ZBTB46: variants seen among roughly 807,000 people sequenced by gnomAD.
The protein encoded by ZBTB46 is zinc finger and BTB domain containing 46.
In ZBTB46, 8 loss-of-function variants were observed where a neutral mutation model predicts 44.1. That is an observed-to-expected ratio of 0.18 (90% CI 0.11 to 0.33). ZBTB46 has a LOEUF of 0.33. Ranked by LOEUF, ZBTB46 falls within the 10% of genes least tolerant of loss-of-function variation. The pLI is 1.00. For synonymous variants in ZBTB46, 409 were observed against 382.3 expected, an observed-to-expected ratio of 1.07 and a Z score of -0.81; for missense variants, 651 against 847.7, an observed-to-expected ratio of 0.77 and a Z score of 2.88.
chr20:63,749,310 T>G (rs1220329697), intron 4 of ZBTB46, among the ~76,000 whole-genome samples: 1 of 151,042 alleles, frequency 6.6e-6, no homozygotes, highest in Non-Finnish European at 1.5e-5. Context: ...CCAGAACTGC[T>G]CCTTTGGGCT....
rs2092184241 is a variant in ZBTB46, at chr20:63,752,946, C to T, written c.1223-85G>A. On this transcript the variant is annotated intron_variant, in intron 3 of 4. Coordinates refer to ENST00000245663, the MANE Select transcript of ZBTB46 (RefSeq NM_001369741.1). The surrounding 1 kb of genome is among the most constrained non-coding windows in gnomAD (Gnocchi z 5.6). ...ACAGACCACGGCTGCACGCCGCAGC[C>T]CAGCAGCCAGGACGGGCTGTCTCCC... 2 of 1,453,512 alleles carry T rather than the reference C, an allele frequency of 1.4e-6. No homozygotes were observed. The highest frequency in any genetic ancestry group is 1.8e-6 in the Non-Finnish European group (2 of 1,088,848). 90.0% of individuals were successfully genotyped at this position (1,453,512 alleles called of 1,614,324 possible).
At chr20:63,806,332 G>T (rs1286987988) in intron 1 of ZBTB46, among the ~76,000 whole-genome samples, 1 of 149,156 alleles carries the variant, frequency 6.7e-6, no homozygotes, top group Non-Finnish European at 1.5e-5. Flanking sequence ...GCTTGAACCC[G>T]AGAGGCAGAG....
intron 1 of ZBTB46, among the ~76,000 whole-genome samples, chr20:63,805,077 T>A (rs534289622): frequency 1.6e-3 from 236 of 151,656 alleles, no homozygotes; most frequent in African/African-American, 5.5e-3. Context: ...CACACCACCA[T>A]GCCTGGCTAA....
At chr20:63,826,199 A>C (rs1600732970) in intron 1 of ZBTB46, among the ~76,000 whole-genome samples, 1 of 152,284 alleles carries the variant, frequency 6.6e-6, no homozygotes, top group East Asian at 1.9e-4. Flanking sequence ...TTTGTAAACG[A>C]AAATGTCTTA....
At chr20:63,780,814 T>A (rs2092463634) in intron 2 of ZBTB46, among the ~76,000 whole-genome samples, 1 of 140,202 alleles carries the variant, frequency 7.1e-6, no homozygotes, top group Admixed American at 7.4e-5. Context: ...AAAAAAAGGA[T>A]CCTCCTGAAG....
At chr20:63,782,353 C>T (rs2092478162) in intron 2 of ZBTB46, among the ~76,000 whole-genome samples, 1 of 151,928 alleles carries the variant, frequency 6.6e-6, no homozygotes, top group African/African-American at 2.4e-5. Context: ...GTGACAGAAG[C>T]GAGGATGGGA....
At chr20:63,755,595 C>T (rs2092213522) in intron 3 of ZBTB46, among the ~76,000 whole-genome samples, 1 of 152,208 alleles carries the variant, frequency 6.6e-6, no homozygotes. Flanking sequence ...CATCCACAAG[C>T]TCTGAGGATC....
upstream of ZBTB46, among the ~76,000 whole-genome samples, chr20:63,832,690 G>A (rs2092858281): frequency 3.3e-5 from 5 of 152,030 alleles, no homozygotes; most frequent in Admixed American, 3.3e-4. The surrounding 1 kb of genome is among the most constrained non-coding windows in gnomAD (Gnocchi z 5.0). Context: ...GGATGGCACT[G>A]CGGCCCAGGA....
At chr20:63,825,718 A>G (rs1045200173) in intron 1 of ZBTB46, among the ~76,000 whole-genome samples, 3 of 152,164 alleles carry the variant, frequency 2.0e-5, no homozygotes, top group African/African-American at 7.2e-5. Context: ...GAGTTTCTTC[A>G]TAACTCAGAA....
intron 3 of ZBTB46, among the ~76,000 whole-genome samples, chr20:63,765,763 G>A (rs1227388439): frequency 1.3e-5 from 2 of 152,078 alleles, no homozygotes; most frequent in Non-Finnish European, 2.9e-5. Context: ...TAGTTTCAGG[G>A]GAAAGAATGT....
chr20:63,786,605 T>G (rs566095307), intron 2 of ZBTB46, among the ~76,000 whole-genome samples: 1 of 152,196 alleles, frequency 6.6e-6, no homozygotes, highest in African/African-American at 2.4e-5. Context: ...TCCGCCTCCC[T>G]GGTTCAAGAG....
At chr20:63,824,050 G>A (rs1452357268) in intron 1 of ZBTB46, among the ~76,000 whole-genome samples, 1 of 152,114 alleles carries the variant, frequency 6.6e-6, no homozygotes, top group Non-Finnish European at 1.5e-5. Flanking sequence ...AGAGACCAGA[G>A]GCTCAGGGCA....
intron 1 of ZBTB46, among the ~76,000 whole-genome samples, chr20:63,819,601 C>A (rs1235898995): frequency 6.6e-6 from 1 of 152,288 alleles, no homozygotes; most frequent in East Asian, 1.9e-4. Context: ...GCAAAAACAG[C>A]AACAGTGTCC....
intron 1 of ZBTB46, among the ~76,000 whole-genome samples, chr20:63,796,518 A>C (rs1034036179): frequency 2.6e-5 from 4 of 152,196 alleles, no homozygotes; most frequent in Non-Finnish European, 5.9e-5. Flanking sequence ...GCTCCACTTA[A>C]ACCTTTCATT....
intron 2 of ZBTB46, among the ~76,000 whole-genome samples, chr20:63,780,373 C>A (rs2092458983): frequency 6.6e-6 from 1 of 152,090 alleles, no homozygotes. Context: ...TAGCAAGCAG[C>A]ACTGGAACAA....
rs780905603 is a variant in ZBTB46, at chr20:63,790,726, G to A, written c.32C>T (p.Thr11Met). 3.1e-6 allele frequency: 5 copies of A among 1,609,166 alleles called. No individual in the cohort carries two copies. Among genetic ancestry groups the A allele is most frequent in the South Asian group, 2.2e-5 (2 of 91,038 alleles). Reference sequence around the variant, plus strand: ...CCGCAGCAGGTGCCGGTAGTGGGACGTGATTTCCATATCTTCCTTTCGGTT... The same window carrying A: ...CCGCAGCAGGTGCCGGTAGTGGGACATGATTTCCATATCTTCCTTTCGGTT... MNNRKEDMEI[T>M]SHYRHLLREL... Residue 11 changes from threonine (T) to methionine (M), a missense_variant, in exon 2 of 5, where the codon ACG becomes ATG. Physicochemically the swap from Thr to Met is moderately conservative, Grantham distance 81. Transcript: ENST00000245663.
Position 63,790,507 on chromosome 20 carries a change from T to C in ZBTB46, c.251A>G (p.Lys84Arg). Residue 84 changes from lysine (K) to arginine (R), a missense_variant, in exon 2 of 5, where the codon AAG becomes AGG. Lys to Arg is a conservative substitution (Grantham distance 26, BLOSUM62 2). This residue lies in a region of ZBTB46 where 65 missense variants were observed against 167.9 expected (regional missense o/e 0.39). Coordinates refer to ENST00000245663, the MANE Select transcript of ZBTB46 (RefSeq NM_001369741.1). ...HLDIVTAQGFKAIIDFMYSAH... is the reference protein window; with the variant it reads ...HLDIVTAQGFRAIIDFMYSAH... ...TGAGTACATGAAGTCGATGATGGCC[T>C]TGAAGCCCTGGGCCGTGACGATGTC... is the stretch of plus-strand genomic sequence containing the variant. 6.2e-7 allele frequency: 1 copy of C among 1,613,030 alleles called. No individual in the cohort carries two copies. The highest frequency in any genetic ancestry group is 8.5e-7 in the Non-Finnish European group (1 of 1,179,454).
intron 1 of ZBTB46, among the ~76,000 whole-genome samples, chr20:63,813,139 A>C (rs2092727255): frequency 6.6e-6 from 1 of 151,976 alleles, no homozygotes; most frequent in African/African-American, 2.4e-5. Flanking sequence ...ATATGAAACA[A>C]CCCGTGTTTT....
chr20:63,832,643 C>G (rs1339858731), upstream of ZBTB46, among the ~76,000 whole-genome samples: 1 of 152,128 alleles, frequency 6.6e-6, no homozygotes, highest in African/African-American at 2.4e-5. This position sits in a 1 kb window ranked among gnomAD's most constrained non-coding sequence, Gnocchi z 5.0. Context: ...AATGGCTGTG[C>G]GGACACCCCG....
Sources: gnomAD v4.1 joint callset for allele counts (sites outside exome capture counted in the v4.1 genomes callset) on GRCh38, gnomAD v4.1.1 for gene constraint, gnomAD v4.1.1 regional missense constraint, Gnocchi (gnomAD v3.1) non-coding constraint, MANE v1.5 for transcripts, NCBI Gene and HGNC (gene_info 2026-07-23, HGNC 2026-07-21) for gene names.